The following CDK2AP1 variants were observed in gnomAD, a reference collection of about 807,000 sequenced individuals.
The protein encoded by CDK2AP1 is cyclin-dependent kinase 2-associated protein 1.
In CDK2AP1, 10 loss-of-function variants were observed where a neutral mutation model predicts 14.1. The observed-to-expected ratio is 0.71, with a 90% CI of 0.44 to 1.20. The LOEUF is 1.20. Among genes scored for constraint, CDK2AP1 ranks in the 50% most tolerant of loss-of-function variants. The probability of loss-of-function intolerance (pLI) is 0.00; values close to 1 mark genes in which losing one functional copy is unlikely to be tolerated. For synonymous variants in CDK2AP1, 59 were observed against 59.8 expected, an observed-to-expected ratio of 0.99 and a Z score of 0.06; for missense variants, 102 against 149.9, an observed-to-expected ratio of 0.68 and a Z score of 1.67.
chr12:123,270,281 A>G (rs759289023), intron 1 of CDK2AP1: 1 of 656,066 alleles, frequency 1.5e-6, no homozygotes, highest in Non-Finnish European at 1.9e-6. Context: ...CGAGCCCACA[A>G]GTGAGCAATT....
rs2048286092 is a variant in CDK2AP1 at position 123,265,958 on chromosome 12, C to T, written c.154-636G>A. 6.6e-6 allele frequency among the ~76,000 whole-genome samples: 1 copy of T among 152,104 alleles called. No homozygotes were observed. The highest frequency in any genetic ancestry group is 2.1e-4 in the South Asian group (1 of 4,834). ...CCTGGAATGCATTCCCTTCTCTCAT[C>T]CTCCCACCAACAGGGCCCAACCCCC... On this transcript the variant is annotated intron_variant, in intron 2 of 3. Coordinates refer to ENST00000261692, the MANE Select transcript of CDK2AP1 (RefSeq NM_004642.4). The surrounding 1 kb of genome is among the most constrained non-coding windows in gnomAD (Gnocchi z 5.3).
At position 123,266,216 on chromosome 12, in the gene CDK2AP1, C is replaced by T. The variant is rs550524041; in HGVS notation, c.154-894G>A. Among the ~76,000 whole-genome samples, 8 of 152,362 alleles carry T rather than the reference C, an allele frequency of 5.3e-5. No homozygotes were observed. The East Asian group carries it at 5.8e-4, about 11-fold the overall frequency. ...GCTCTGTCCTGTCCTCGTCCTGCTC[C>T]GGCTGCTCTGCCTCCCCACGGCACT... On this transcript the variant is annotated intron_variant, in intron 2 of 3. Transcript: ENST00000261692.
rs1042712907 is a variant in CDK2AP1, at chr12:123,261,482, C to G, written c.*254G>C. On this transcript the variant is annotated 3_prime_UTR_variant, in exon 4 of 4. Transcript: ENST00000261692. ...TACAGTTTGCTGTAAGATAACTTTC[C>G]GTGCATCTTTTAAATCAATGCTTAA... is the stretch of plus-strand genomic sequence containing the variant. 1.2e-5 allele frequency: 5 copies of G among 421,270 alleles called. No homozygotes were observed. The highest frequency in any genetic ancestry group is 6.7e-4 in the Middle Eastern group (1 of 1,490). 26.1% of individuals were successfully genotyped at this position (421,270 alleles called of 1,614,324 possible).
intron 3 of CDK2AP1, among the ~76,000 whole-genome samples, chr12:123,263,761 T>C (rs2048258203): frequency 6.6e-6 from 1 of 152,204 alleles, no homozygotes; most frequent in Non-Finnish European, 1.5e-5. Flanking sequence ...CACTGGGGCA[T>C]AACTTCAACT....
Position 123,265,266 on chromosome 12 carries a change from A to G in CDK2AP1, c.210T>C (p.Ile70=). 2 of 1,614,120 alleles carry G rather than the reference A, an allele frequency of 1.2e-6. No homozygotes were observed. The highest frequency in any genetic ancestry group is 1.7e-6 in the Non-Finnish European group (2 of 1,180,012). ...GTCTGATCTCCTTCCCCAGCTCTTC[A>G]ATGATGGCCAGCAGCTCCGCGTATT... The part of the protein sequence containing the change: ...QSKYAELLAI[I]EELGKEIRPT... Residue 70 remains isoleucine, a synonymous_variant, in exon 3 of 4, where the codon ATT becomes ATC. Transcript: ENST00000261692. This position sits in a 1 kb window ranked among gnomAD's most constrained non-coding sequence, Gnocchi z 5.3.
chr12:123,267,042 G>C, intron 2 of CDK2AP1, 143 bp downstream of exon 2: 1 of 655,294 alleles, frequency 1.5e-6, no homozygotes, highest in Non-Finnish European at 2.8e-6. Context: ...TTCTGAGCAG[G>C]AGCGCAGCCA....
intron 1 of CDK2AP1, chr12:123,268,041 A>C: frequency 3.2e-6 from 1 of 311,550 alleles, no homozygotes; most frequent in South Asian, 1.2e-4. Flanking sequence ...CCCAGAACGC[A>C]GCCTCCTGGA....
intron 1 of CDK2AP1, chr12:123,270,944 G>T: frequency 1.0e-6 from 1 of 984,714 alleles, no homozygotes; most frequent in Non-Finnish European, 1.2e-6. Context: ...GCTCCCGGCC[G>T]AGGCCCCCGG....
intron 1 of CDK2AP1, 35 bp from the exon 2 acceptor site, chr12:123,267,317 T>A (rs372143436): frequency 1.5e-6 from 2 of 1,367,794 alleles, no homozygotes; most frequent in African/African-American, 2.9e-5. Flanking sequence ...AGGAGTCAGC[T>A]CAGCCAGTTG....
intron 1 of CDK2AP1, chr12:123,270,118 G>T: frequency 1.6e-6 from 1 of 619,224 alleles, no homozygotes; most frequent in Non-Finnish European, 2.0e-6. Context: ...GCCCAGGCTG[G>T]CAACACCAGC....
At chr12:123,271,056 AGCCCCGCAGCCCTCCATCCGCGCCC>A (rs2048349446) in intron 1 of CDK2AP1, 8 of 953,942 alleles carry the variant, frequency 8.4e-6, no homozygotes, top group Non-Finnish European at 9.9e-6. Flanking sequence ...GCAGCCCCGC[AGCCCCGCAGCCCTCCATCCGCGCCC>A]GCCCGCGCGG....
At chr12:123,267,003 C>G (rs760034711) in intron 2 of CDK2AP1, among the ~76,000 whole-genome samples, 182 bp downstream of exon 2, 1 of 152,220 alleles carries the variant, frequency 6.6e-6, no homozygotes, top group Non-Finnish European at 1.5e-5. Flanking sequence ...CCGCGAAGCA[C>G]AGTCCCCAGT....
At chr12:123,270,308 C>G (rs1199999743) in intron 1 of CDK2AP1, 1 of 344,776 alleles carries the variant, frequency 2.9e-6, no homozygotes, top group African/African-American at 2.2e-5. Context: ...TCCCTCCGCA[C>G]CCTGACGCTT....
At chr12:123,270,952 CG>C (rs975886653) in intron 1 of CDK2AP1, 61 of 984,760 alleles carry the variant, frequency 6.2e-5, no homozygotes, top group Admixed American at 3.1e-4. Context: ...CCGAGGCCCC[CG>C]GGCCTCCGAG....
rs772638742 is a variant in CDK2AP1, at chr12:123,267,247, T to C, written c.91A>G (p.Thr31Ala). ...SVHSPSTSMA[T>A]SSQYRQLLSD... ...AGCAGCTGGCGGTACTGTGAAGACG[T>C]TGCCATGCTGGTGGAAGGCGAGTGG... is the stretch of plus-strand genomic sequence containing the variant. Residue 31 changes from threonine (T) to alanine (A), a missense_variant, in exon 2 of 4, where the codon ACG (threonine) becomes GCG (alanine). By Grantham distance (58) the Thr-to-Ala change is moderately conservative (BLOSUM62 0). Around this residue, in one of 2 missense-constraint regions of CDK2AP1, gnomAD observed 50 missense variants for 42.7 expected, o/e 1.17. Transcript: ENST00000261692. The C allele has an allele frequency of 3.2e-5, 52 of 1,613,258 alleles. No individual in the cohort carries two copies. The highest frequency in any genetic ancestry group is 4.3e-5 in the Non-Finnish European group (51 of 1,179,568).
chr12:123,270,158 A>G (rs1328910093), intron 1 of CDK2AP1: 1 of 958,800 alleles, frequency 1.0e-6, no homozygotes, highest in Non-Finnish European at 1.2e-6. Flanking sequence ...CAGAGGAAGA[A>G]GGCTGCTGGC....
At chr12:123,268,838 C>A (rs1193098478) in intron 1 of CDK2AP1, among the ~76,000 whole-genome samples, 1 of 152,204 alleles carries the variant, frequency 6.6e-6, no homozygotes, top group Non-Finnish European at 1.5e-5. Context: ...ATCAGCCAAA[C>A]CCCAGTTTCC....
chr12:123,271,514 G>T, intron 1 of CDK2AP1, 50 bp downstream of exon 1: 1 of 977,884 alleles, frequency 1.0e-6, no homozygotes, highest in Non-Finnish European at 1.2e-6. Flanking sequence ...CCGGGCGCGC[G>T]GACCCCCAAC....
intron 1 of CDK2AP1, chr12:123,270,994 C>T (rs1397202265): frequency 6.3e-5 from 62 of 983,384 alleles, no homozygotes; most frequent in Non-Finnish European, 7.4e-5. Context: ...CCATCCTGGT[C>T]CCAGTCCCGG....
Sources: gnomAD v4.1 joint callset for allele counts (sites outside exome capture counted in the v4.1 genomes callset) on GRCh38, gnomAD v4.1.1 for gene constraint, gnomAD v4.1.1 regional missense constraint, Gnocchi (gnomAD v3.1) non-coding constraint, MANE v1.5 for transcripts, NCBI Gene and HGNC (gene_info 2026-07-23, HGNC 2026-07-21) for gene names.